Variants in NREP observed in about 807,000 individuals in gnomAD.
NREP encodes the protein neuronal regeneration-related protein.
Under a neutral mutation model 8.6 loss-of-function variants are expected in NREP, and 5 were observed. The ratio of observed to expected loss-of-function variants is 0.58; its 90% CI spans 0.30 to 1.22. NREP has a LOEUF of 1.22. NREP is among the 50% of genes most tolerant of loss of function. NREP has a pLI of 0.07. For missense variants in NREP, 86 were observed against 82.5 expected, an observed-to-expected ratio of 1.04 and a Z score of -0.17; for synonymous variants, 27 against 28.0, an observed-to-expected ratio of 0.96 and a Z score of 0.11.
At chr5:111,746,888 C>G (rs913065507) in intron 2 of NREP, among the ~76,000 whole-genome samples, 8 of 152,130 alleles carry the variant, frequency 5.3e-5, no homozygotes, top group Admixed American at 2.6e-4. Flanking sequence ...TGGGTACATT[C>G]CCTGCACAGC....
intron 2 of NREP, among the ~76,000 whole-genome samples, chr5:111,854,712 GA>G (rs1753387767): frequency 6.6e-6 from 1 of 152,016 alleles, no homozygotes; most frequent in African/African-American, 2.4e-5. Context: ...AGTGAAACAT[GA>G]AAATGAATAA....
intron 2 of NREP, among the ~76,000 whole-genome samples, chr5:111,821,952 A>G (rs1359682537): frequency 6.6e-6 from 1 of 152,182 alleles, no homozygotes; most frequent in African/African-American, 2.4e-5. Context: ...AAACAGTACC[A>G]ACAACCTCTT....
intron 2 of NREP, among the ~76,000 whole-genome samples, chr5:111,851,340 TAC>T (rs755809062): frequency 1.3e-5 from 2 of 152,224 alleles, no homozygotes; most frequent in Non-Finnish European, 2.9e-5. Context: ...CTCCTGCAGA[TAC>T]TCTGGTGTTC....
intron 2 of NREP, among the ~76,000 whole-genome samples, chr5:111,887,965 A>T (rs1241270241): frequency 1.6e-4 from 25 of 152,208 alleles, no homozygotes. Context: ...TGGAAATTGA[A>T]GGAAAAGTCC....
At chr5:111,914,752 G>T (rs895727867) in intron 2 of NREP, among the ~76,000 whole-genome samples, 1 of 152,012 alleles carries the variant, frequency 6.6e-6, no homozygotes, top group Non-Finnish European at 1.5e-5. Context: ...ACAAGCTGAA[G>T]TTCCACAAAA....
chr5:111,871,371 A>T (rs963248624), intron 2 of NREP, among the ~76,000 whole-genome samples: 1 of 152,178 alleles, frequency 6.6e-6, no homozygotes, highest in African/African-American at 2.4e-5. Flanking sequence ...CTTGTACGGC[A>T]CTTACCATGA....
At chr5:111,904,729 T>C (rs1754736249) in intron 2 of NREP, among the ~76,000 whole-genome samples, 3 of 152,118 alleles carry the variant, frequency 2.0e-5, no homozygotes, top group South Asian at 2.1e-4. Flanking sequence ...TAGAAGAGCC[T>C]TTCCCTGCTA....
Position 111,851,252 on chromosome 5 carries a change from C to A in NREP, c.136-115745G>T, listed in dbSNP as rs1349963342. 5.3e-5 allele frequency among the ~76,000 whole-genome samples: 8 copies of A among 152,060 alleles called. No individual in the cohort carries two copies. The South Asian group carries it at 1.2e-3, about 24-fold the overall frequency. On this transcript the variant is annotated intron_variant, in intron 2 of 3. Coordinates refer to the NREP transcript ENST00000395634. ...TATTCAACAAATATTTATTAAGAGC[C>A]TTCAATGTGCCAGGCACTGTTCCAG...
intron 2 of NREP, among the ~76,000 whole-genome samples, chr5:111,886,845 A>T (rs538506373): frequency 5.9e-4 from 89 of 152,002 alleles, no homozygotes; most frequent in African/African-American, 2.1e-3. Flanking sequence ...CGGGGGAGGG[A>T]TAGCATTAGG....
At chr5:111,905,358 C>A (rs559879122) in intron 2 of NREP, among the ~76,000 whole-genome samples, 1 of 152,302 alleles carries the variant, frequency 6.6e-6, no homozygotes, top group Non-Finnish European at 1.5e-5. Flanking sequence ...TCTCACTCCA[C>A]ATCCTTGCAG....
chr5:111,858,306 T>C (rs1753469739), intron 2 of NREP, among the ~76,000 whole-genome samples: 1 of 151,884 alleles, frequency 6.6e-6, no homozygotes, highest in Non-Finnish European at 1.5e-5. Context: ...TGCAGTAAGG[T>C]TTCTTTCTAT....
rs564562616 is a variant in NREP at position 111,856,107 on chromosome 5, G to A, written c.135+119167C>T. On this transcript the variant is annotated intron_variant, in intron 2 of 3. Coordinates refer to the NREP transcript ENST00000395634. ...AGTACACCTGCCACTGAGGCAAGGG[G>A]AAGCATGGTGGGGGATCTGGGAGGT... Among the ~76,000 whole-genome samples, 4 of 152,296 alleles carry A rather than the reference G, an allele frequency of 2.6e-5. No homozygotes were observed. In the East Asian group the frequency reaches 7.7e-4, roughly 29 times the overall value.
chr5:111,747,665 A>G (rs1750091991), intron 2 of NREP, among the ~76,000 whole-genome samples: 1 of 152,182 alleles, frequency 6.6e-6, no homozygotes, highest in South Asian at 2.1e-4. Context: ...TTTTCAATCA[A>G]TGGCTCTGGT....
intron 2 of NREP, among the ~76,000 whole-genome samples, chr5:111,966,843 G>A (rs578144244): frequency 6.6e-6 from 1 of 152,106 alleles, no homozygotes; most frequent in African/African-American, 2.4e-5. Context: ...CTATGTAAGG[G>A]AACCAAGATC....
chr5:111,902,859 T>C (rs1415336511), intron 2 of NREP, among the ~76,000 whole-genome samples: 1 of 152,090 alleles, frequency 6.6e-6, no homozygotes, highest in Non-Finnish European at 1.5e-5. Flanking sequence ...TTTTGTTTCC[T>C]AATCTTAAAA....
chr5:111,859,789 A>C (rs1753504441), intron 2 of NREP, among the ~76,000 whole-genome samples: 1 of 152,060 alleles, frequency 6.6e-6, no homozygotes, highest in Non-Finnish European at 1.5e-5. Flanking sequence ...CAGTCTTTTT[A>C]AATCAGGTCA....
chr5:111,944,470 A>C (rs1177791231), intron 2 of NREP, among the ~76,000 whole-genome samples: 3 of 151,930 alleles, frequency 2.0e-5, no homozygotes, highest in Admixed American at 1.3e-4. Flanking sequence ...ACCATGCCTG[A>C]ATAATTTTTG....
chr5:111,852,485 A>G (rs953882977), intron 2 of NREP, among the ~76,000 whole-genome samples: 1 of 152,168 alleles, frequency 6.6e-6, no homozygotes, highest in African/African-American at 2.4e-5. Flanking sequence ...CACCCTGTTT[A>G]TGATCATTAC....
chr5:111,789,590 A>G (rs143306704), intron 2 of NREP, among the ~76,000 whole-genome samples: 347 of 152,270 alleles, frequency 2.3e-3, no homozygotes, highest in African/African-American at 7.3e-3. Context: ...TTATTTATTC[A>G]TTTAATAACT....
Sources: gnomAD v4.1 joint callset for allele counts (sites outside exome capture counted in the v4.1 genomes callset) on GRCh38, gnomAD v4.1.1 for gene constraint, MANE v1.5 for transcripts, NCBI Gene and HGNC (gene_info 2026-07-23, HGNC 2026-07-21) for gene names.